The following ARHGEF19 variants were observed in gnomAD, a reference collection of about 807,000 sequenced individuals.
The protein encoded by ARHGEF19 is Rho guanine nucleotide exchange factor (GEF) 19.
A neutral mutation model predicts 87.6 loss-of-function variants in ARHGEF19; 92 were observed. That is an observed-to-expected ratio of 1.05 (90% confidence interval 0.89 to 1.25). The LOEUF is 1.25. Among genes scored for constraint, ARHGEF19 ranks in the 50% most tolerant of loss-of-function variants. ARHGEF19 has a pLI of 0.00. For synonymous variants in ARHGEF19, 438 were observed against 446.2 expected (o/e 0.98, Z 0.23); for missense variants, 1,054 against 1,051.8 (o/e 1.00, Z -0.03).
In ARHGEF19 at chr1:16,205,989, C is replaced by T; in HGVS notation, c.1393G>A (p.Val465Ile). The T allele has an allele frequency of 1.2e-6, 2 of 1,611,038 alleles. No homozygotes were observed. Among genetic ancestry groups the T allele is most frequent in the Non-Finnish European group, 8.5e-7 (1 of 1,178,732 alleles). ...TGGTTGGTGACATAGGGCAGGTAGA[C>T]TCTGCGGAAGGCCGGGCAGTGGTCC... ...VLDHCPAFRR[V>I]YLPYVTNQAY... Residue 465 changes from valine to isoleucine, a missense_variant, in exon 8 of 16, where the codon GTC (valine) becomes ATC (isoleucine). Val to Ile is a conservative substitution (Grantham distance 29). Coordinates refer to ENST00000270747, the MANE Select transcript of ARHGEF19 (RefSeq NM_153213.5). This position sits in a 1 kb window ranked among gnomAD's most constrained non-coding sequence, Gnocchi z 5.8.
chr1:16,204,950 C>T (rs1324160137), intron 11 of ARHGEF19, 31 bp from the exon 12 acceptor site: 5 of 1,584,304 alleles, frequency 3.2e-6, no homozygotes, highest in African/African-American at 1.3e-5. Context: ...GGGTCAGGCC[C>T]AGGGGCACCA....
chr1:16,207,453 C>T lies in ARHGEF19; in HGVS notation c.874+69G>A, dbSNP rs1448936011. On this transcript the variant is annotated intron_variant, in intron 5 of 15. Coordinates refer to ENST00000270747, the MANE Select transcript of ARHGEF19 (RefSeq NM_153213.5). The surrounding 1 kb of genome is among the most constrained non-coding windows in gnomAD (Gnocchi z 4.0). The stretch of plus-strand genomic sequence containing the variant: ...CCTACCTCTCAACTCTCCAAACCCT[C>T]TTTTCCCCGTTTCCACACCGCAGCC... 9 of 1,586,728 alleles carry T rather than the reference C, an allele frequency of 5.7e-6. No homozygotes were observed. The highest frequency in any genetic ancestry group is 7.8e-6 in the Non-Finnish European group (9 of 1,159,804).
chr1:16,198,379 G>T lies in ARHGEF19; in HGVS notation c.*208C>A. ...CATGTCAGAGGAAGAAACTATCCTT[G>T]GCCTTGAAGTGTGGACACTGAGGAG... On this transcript the variant is annotated 3_prime_UTR_variant, in exon 16 of 16. Coordinates refer to ENST00000270747, the MANE Select transcript of ARHGEF19 (RefSeq NM_153213.5). This position sits in a 1 kb window ranked among gnomAD's most constrained non-coding sequence, Gnocchi z 4.1. 1 of 456,790 alleles carries T rather than the reference G, an allele frequency of 2.2e-6. No homozygotes were observed. Among genetic ancestry groups the T allele is most frequent in the Non-Finnish European group, 3.7e-6 (1 of 268,882 alleles). 28.3% of individuals were successfully genotyped at this position (456,790 alleles called of 1,614,324 possible). A position where few individuals can be genotyped will look rare whatever the true frequency, so the allele number is the denominator to read the frequency against.
rs2100274455 is a variant in ARHGEF19, at chr1:16,205,248, C to T, written c.1657-72G>A. The T allele has an allele frequency of 1.3e-6, 2 of 1,597,764 alleles. No individual in the cohort carries two copies. Among genetic ancestry groups the T allele is most frequent in the East Asian group, 4.5e-5 (2 of 44,436 alleles). ...CCCAGAGCCCAGCCTCAGACTCTTGCCTGGGGACCGGAGACTCTGACAGCT... is the reference window on the plus strand; with the variant it reads ...CCCAGAGCCCAGCCTCAGACTCTTGTCTGGGGACCGGAGACTCTGACAGCT... On this transcript the variant is annotated intron_variant, in intron 10 of 15. Coordinates refer to ENST00000270747, the MANE Select transcript of ARHGEF19 (RefSeq NM_153213.5). The surrounding 1 kb of genome is among the most constrained non-coding windows in gnomAD (Gnocchi z 5.8).
rs142264387 is a variant in ARHGEF19 at position 16,207,908 on chromosome 1, C to T, written c.694+36G>A. 8.4e-3 allele frequency: 12,822 copies of T among 1,518,472 alleles called. 79 individuals carry two copies. Among genetic ancestry groups the T allele is most frequent in the Non-Finnish European group, 9.9e-3 (11,011 of 1,110,248 alleles). The allele number at this position is 1,518,472 out of a possible 1,614,324, so 94.1% of individuals were successfully genotyped here. A position where few individuals can be genotyped will look rare whatever the true frequency, so the allele number is the denominator to read the frequency against. Reference sequence around the variant, plus strand: ...GCCCACCCCCACCCCCACCCGGCATCTGGCTGCCCTCAGGGCCCATGGGAG... The same window carrying T: ...GCCCACCCCCACCCCCACCCGGCATTTGGCTGCCCTCAGGGCCCATGGGAG... On this transcript the variant is annotated intron_variant, in intron 3 of 15. Transcript: ENST00000270747. The surrounding 1 kb of genome is among the most constrained non-coding windows in gnomAD (Gnocchi z 4.0).
intron 12 of ARHGEF19, among the ~76,000 whole-genome samples, chr1:16,203,370 T>C (rs221044): frequency 1 from 151,480 of 152,240 alleles, 75,363 homozygotes; most frequent in Middle Eastern, 1. Flanking sequence ...CCTACACCCA[T>C]CTGGTAGCTA....
At chr1:16,211,739 G>A (rs907531932) in intron 1 of ARHGEF19, among the ~76,000 whole-genome samples, 1 of 152,178 alleles carries the variant, frequency 6.6e-6, no homozygotes, top group Admixed American at 6.5e-5. Context: ...GAGCTAAGAG[G>A]GACAAGCTGT....
chr1:16,211,068 T>C (rs936394682), intron 1 of ARHGEF19, among the ~76,000 whole-genome samples: 1 of 152,202 alleles, frequency 6.6e-6, no homozygotes, highest in Admixed American at 6.5e-5. Flanking sequence ...CATCAGCCTC[T>C]GTCCCTCTAG....
At position 16,206,182 on chromosome 1, in the gene ARHGEF19, C is replaced by T. The variant is rs1216329753; in HGVS notation, c.1296G>A (p.Glu432=). Reference sequence around the variant, plus strand: ...GCCAGGCCAGACCACTTCTTCACCTCTCGCTGGTGCTCTTGACCTCGGGCA... The same window carrying T: ...GCCAGGCCAGACCACTTCTTCACCTTTCGCTGGTGCTCTTGACCTCGGGCA... ...SKLPEVKSTS[E]RFLQDLEQRL... The change falls in exon 7 of 16, where the codon GAG becomes GAA. Residue 432 remains glutamate, a splice_region_variant and synonymous_variant. Transcript: ENST00000270747. This position sits in a 1 kb window ranked among gnomAD's most constrained non-coding sequence, Gnocchi z 4.6. 1 of 1,593,388 alleles carries T rather than the reference C, an allele frequency of 6.3e-7. No homozygotes were observed. Among genetic ancestry groups the T allele is most frequent in the South Asian group, 1.1e-5 (1 of 88,208 alleles).
Position 16,207,147 on chromosome 1 carries a change from T to A in ARHGEF19, c.938A>T (p.Glu313Val). 1 of 1,529,576 alleles carries A rather than the reference T, an allele frequency of 6.5e-7. No individual in the cohort carries two copies. The highest frequency in any genetic ancestry group is 8.8e-7 in the Non-Finnish European group (1 of 1,141,950). 94.8% of individuals were successfully genotyped at this position (1,529,576 alleles called of 1,614,324 possible). ...GGCCTCGTCCCCCGGGCCCTCCTCC[T>A]CGCGCTGCTGCCGCCGCAGTTCGCG... ...SARELRRQQREEEGPGDEAEG... is the reference protein window; with the variant it reads ...SARELRRQQRVEEGPGDEAEG... Residue 313 changes from glutamate (E) to valine (V), a missense_variant, in exon 6 of 16, where the codon GAG becomes GTG. Coordinates refer to ENST00000270747, the MANE Select transcript of ARHGEF19 (RefSeq NM_153213.5). This position sits in a 1 kb window ranked among gnomAD's most constrained non-coding sequence, Gnocchi z 4.0.
chr1:16,200,805 G>A (rs1304754880), intron 14 of ARHGEF19, among the ~76,000 whole-genome samples: 3 of 152,118 alleles, frequency 2.0e-5, no homozygotes, highest in Non-Finnish European at 4.4e-5. Flanking sequence ...CAAGGCTAAG[G>A]CATAAGAATC....
At chr1:16,199,647 G>C (rs894417759) in intron 14 of ARHGEF19, among the ~76,000 whole-genome samples, 5 of 152,098 alleles carry the variant, frequency 3.3e-5, no homozygotes, top group Middle Eastern at 3.4e-3. Flanking sequence ...CATCACTCTG[G>C]TGCTCCCTTT....
At chr1:16,201,378 C>T (rs1339177640) in intron 14 of ARHGEF19, among the ~76,000 whole-genome samples, 2 of 152,208 alleles carry the variant, frequency 1.3e-5, no homozygotes, top group Admixed American at 1.3e-4. Context: ...CCACTACCCC[C>T]ACCACCCCTC....
chr1:16,209,994 C>G (rs892128831), intron 1 of ARHGEF19, among the ~76,000 whole-genome samples: 1 of 152,368 alleles, frequency 6.6e-6, no homozygotes, highest in Middle Eastern at 3.4e-3. Flanking sequence ...CTGGGTGGGC[C>G]AGGCTGGATG....
chr1:16,198,415 G>A lies in ARHGEF19; in HGVS notation c.*172C>T. The stretch of plus-strand genomic sequence containing the variant: ...GTGGACACTGAGGAGCATGAGGACG[G>A]AGAGACCCTCTGGAGGCGCCCCCAT... On this transcript the variant is annotated 3_prime_UTR_variant, in exon 16 of 16. Transcript: ENST00000270747. The surrounding 1 kb of genome is among the most constrained non-coding windows in gnomAD (Gnocchi z 4.1). 1 of 686,622 alleles carries A rather than the reference G, an allele frequency of 1.5e-6. No individual in the cohort carries two copies. Among genetic ancestry groups the A allele is most frequent in the Non-Finnish European group, 2.3e-6 (1 of 442,906 alleles). The allele number at this position is 686,622 out of a possible 1,614,324, so 42.5% of individuals were successfully genotyped here.
rs756401539 is a variant in ARHGEF19 at position 16,205,719 on chromosome 1, T to C, written c.1452-52A>G. ...CACAGGTAGGCCTGAATTCCTGGGA[T>C]CCACAACCCTGGCCATCCACGGGGT... On this transcript the variant is annotated intron_variant, in intron 8 of 15. Transcript: ENST00000270747. This position sits in a 1 kb window ranked among gnomAD's most constrained non-coding sequence, Gnocchi z 5.8. The C allele has an allele frequency of 5.1e-6, 8 of 1,554,854 alleles. No individual in the cohort carries two copies. The highest frequency in any genetic ancestry group is 8.7e-7 in the Non-Finnish European group (1 of 1,151,812).
rs221055 is a variant in ARHGEF19 at position 16,206,763 on chromosome 1, C to T, written c.1137+185G>A. 0.25 allele frequency among the ~76,000 whole-genome samples: 38,193 copies of T among 151,750 alleles called. 5,152 individuals are homozygous for T. Among genetic ancestry groups the T allele is most frequent in the South Asian group, 0.39 (1,873 of 4,794 alleles). Reference sequence around the variant, plus strand: ...GCTCCCCTCGCCTCTCGCTCAGCGGCTTGCTGTCCTCGCTTCCAGACGGCC... The same window carrying T: ...GCTCCCCTCGCCTCTCGCTCAGCGGTTTGCTGTCCTCGCTTCCAGACGGCC... On this transcript the variant is annotated intron_variant, in intron 6 of 15. Transcript: ENST00000270747. The surrounding 1 kb of genome is among the most constrained non-coding windows in gnomAD (Gnocchi z 4.6).
Position 16,199,084 on chromosome 1 carries a change from A to AC in ARHGEF19, c.2251+65_2251+66insG, listed in dbSNP as rs1427834780. On this transcript the variant is annotated intron_variant, in intron 15 of 15. Transcript: ENST00000270747. ...GCAGAACCTTTCCCTGTGATATCTTAGTCATCTAGCCACCTCCTGCCCACC... is the reference window on the plus strand; with the variant it reads ...GCAGAACCTTTCCCTGTGATATCTTACGTCATCTAGCCACCTCCTGCCCACC... 3.4e-6 allele frequency: 5 copies of AC among 1,471,570 alleles called. No homozygotes were observed. The African/African-American group carries it at 5.6e-5, about 16-fold the overall frequency. The allele number at this position is 1,471,570 out of a possible 1,614,324, so 91.2% of individuals were successfully genotyped here. A position where few individuals can be genotyped will look rare whatever the true frequency, so the allele number is the denominator to read the frequency against.
chr1:16,198,704 C>T lies in ARHGEF19; in HGVS notation c.2292G>A (p.Gly764=), dbSNP rs949752330. 1.9e-6 allele frequency: 3 copies of T among 1,611,894 alleles called. No homozygotes were observed. The highest frequency in any genetic ancestry group is 2.5e-6 in the Non-Finnish European group (3 of 1,178,736). ...CTTCCACATAGGCCTGGGGCACCCACCCCTTCTCACCATCTGCCAGGCGGA... is the reference window on the plus strand; with the variant it reads ...CTTCCACATAGGCCTGGGGCACCCATCCCTTCTCACCATCTGCCAGGCGGA... ...EGVRLADGEK[G]WVPQAYVEEI... Residue 764 remains glycine (G), a synonymous_variant, in exon 16 of 16, where the codon GGG becomes GGA. Transcript: ENST00000270747. This position sits in a 1 kb window ranked among gnomAD's most constrained non-coding sequence, Gnocchi z 4.1.
Sources: gnomAD v4.1 joint callset for allele counts (sites outside exome capture counted in the v4.1 genomes callset) on GRCh38, gnomAD v4.1.1 for gene constraint, Gnocchi (gnomAD v3.1) non-coding constraint, MANE v1.5 for transcripts, NCBI Gene and HGNC (gene_info 2026-07-23, HGNC 2026-07-21) for gene names.